The following GM2A variants were observed in gnomAD, a reference collection of about 807,000 sequenced individuals.
GM2A encodes GM2 ganglioside activator.
A neutral mutation model predicts 12.9 loss-of-function variants in GM2A; 7 were observed. The ratio of observed to expected loss-of-function variants is 0.54; its 90% CI spans 0.31 to 1.02. The LOEUF is 1.02. GM2A is among the 50% of genes least tolerant of loss of function. GM2A has a pLI of 0.05. For missense variants in GM2A, 246 were observed against 241.0 expected (o/e 1.02, Z -0.14); for synonymous variants, 101 against 96.0 (o/e 1.05, Z -0.30).
chr5:151,259,545 T>C (rs1753753105), intron 1 of GM2A, among the ~76,000 whole-genome samples: 2 of 152,212 alleles, frequency 1.3e-5, no homozygotes, highest in African/African-American at 4.8e-5. Flanking sequence ...ATTATGTCTT[T>C]TGAGTCTTTT....
At position 151,269,088 on chromosome 5, in the gene GM2A, AG is replaced by A; in HGVS notation, c.*1641del. The A allele has an allele frequency of 3.0e-6, 3 of 985,482 alleles. No individual in the cohort carries two copies. Among genetic ancestry groups the A allele is most frequent in the Non-Finnish European group, 3.6e-6 (3 of 829,948 alleles). The allele number at this position is 985,482 out of a possible 1,614,324, so 61.0% of individuals were successfully genotyped here. ...CCTCACCAGCAGCTGCTTTTGGAGCAGGGGTCCAAGGAAGAGAGGGTGGCCT... is the reference window on the plus strand; with the variant it reads ...CCTCACCAGCAGCTGCTTTTGGAGCAGGGTCCAAGGAAGAGAGGGTGGCCT... On this transcript the variant is annotated 3_prime_UTR_variant, in exon 4 of 4. Transcript: ENST00000357164.
In GM2A at chr5:151,267,961, T is replaced by C. The variant is rs1753927029; in HGVS notation, c.*510T>C. ...CTTCTGTGACTAATTTTTATTTCCT[T>C]TCTAGATTTGCCCAATTAATACTAG... On this transcript the variant is annotated 3_prime_UTR_variant, in exon 4 of 4. Transcript: ENST00000357164. 1 of 1,121,098 alleles carries C rather than the reference T, an allele frequency of 8.9e-7. No homozygotes were observed. The highest frequency in any genetic ancestry group is 1.1e-6 in the Non-Finnish European group (1 of 910,390). 69.4% of individuals were successfully genotyped at this position (1,121,098 alleles called of 1,614,324 possible). A position where few individuals can be genotyped will look rare whatever the true frequency, so the allele number is the denominator to read the frequency against.
At position 151,267,870 on chromosome 5, in the gene GM2A, TCTC is replaced by T; in HGVS notation, c.*424_*426del. 6 of 1,158,772 alleles carry T rather than the reference TCTC, an allele frequency of 5.2e-6. No homozygotes were observed. The highest frequency in any genetic ancestry group is 6.5e-6 in the Non-Finnish European group (6 of 927,874). 71.8% of individuals were successfully genotyped at this position (1,158,772 alleles called of 1,614,324 possible). A position where few individuals can be genotyped will look rare whatever the true frequency, so the allele number is the denominator to read the frequency against. Reference sequence around the variant, plus strand: ...GAAGTGAGAGTATTAACGTTTTTGTTCTCCTCCGGCCCCCTGTTACAATGAAGG... The same window carrying T: ...GAAGTGAGAGTATTAACGTTTTTGTTCTCCGGCCCCCTGTTACAATGAAGG... On this transcript the variant is annotated 3_prime_UTR_variant, in exon 4 of 4. Transcript: ENST00000357164.
chr5:151,265,061 G>T (rs946319005), intron 2 of GM2A, among the ~76,000 whole-genome samples: 25 of 152,070 alleles, frequency 1.6e-4, no homozygotes, highest in Non-Finnish European at 3.2e-4. Flanking sequence ...AAACTAGGAA[G>T]TGGCAGAACT....
intron 2 of GM2A, among the ~76,000 whole-genome samples, chr5:151,266,478 G>GT (rs1554092895): frequency 5.7e-5 from 8 of 140,974 alleles, no homozygotes; most frequent in Non-Finnish European, 9.4e-5. Flanking sequence ...CTAAGTCTAT[G>GT]TATAGTTCAG....
chr5:151,258,639 C>T (rs967612248), intron 1 of GM2A, among the ~76,000 whole-genome samples: 3 of 152,122 alleles, frequency 2.0e-5, no homozygotes, highest in Non-Finnish European at 2.9e-5. Context: ...ATGGTCTGGC[C>T]TCAACCCAAA....
At position 151,269,375 on chromosome 5, in the gene GM2A, G is replaced by T. The variant is rs1027350022; in HGVS notation, c.*1924G>T. ...GGTGAGCCGAGGTGATTCCAGGGACGGACCCTTCTGCAGGAGCTTGAGCTT... is the reference window on the plus strand; with the variant it reads ...GGTGAGCCGAGGTGATTCCAGGGACTGACCCTTCTGCAGGAGCTTGAGCTT... On this transcript the variant is annotated 3_prime_UTR_variant, in exon 4 of 4. Transcript: ENST00000357164. 3 of 985,210 alleles carry T rather than the reference G, an allele frequency of 3.0e-6. No individual in the cohort carries two copies. The East Asian group carries it at 3.4e-4, about 112-fold the overall frequency. The allele number at this position is 985,210 out of a possible 1,614,324, so 61.0% of individuals were successfully genotyped here. A position where few individuals can be genotyped will look rare whatever the true frequency, so the allele number is the denominator to read the frequency against.
chr5:151,268,532 T>C lies in GM2A; in HGVS notation c.*1081T>C. ...AAGTCACAGCACATGTGCCCATTGA[T>C]ACAAGGCTGCTGAGGCCTGGTCTCC... On this transcript the variant is annotated 3_prime_UTR_variant, in exon 4 of 4. Transcript: ENST00000357164. 1.0e-6 allele frequency: 1 copy of C among 985,434 alleles called. No homozygotes were observed. Among genetic ancestry groups the C allele is most frequent in the Non-Finnish European group, 1.2e-6 (1 of 829,926 alleles). The allele number at this position is 985,434 out of a possible 1,614,324, so 61.0% of individuals were successfully genotyped here.
At chr5:151,263,660 G>C (rs1232539441) in intron 2 of GM2A, among the ~76,000 whole-genome samples, 1 of 151,804 alleles carries the variant, frequency 6.6e-6, no homozygotes, top group African/African-American at 2.4e-5. Context: ...GGGGAGAGGA[G>C]TGCTGCAGAT....
At chr5:151,258,518 A>G (rs553485100) in intron 1 of GM2A, among the ~76,000 whole-genome samples, 2 of 152,220 alleles carry the variant, frequency 1.3e-5, no homozygotes, top group African/African-American at 4.8e-5. Context: ...GCTACTCCAT[A>G]CTGCTTTTAT....
At position 151,267,393 on chromosome 5, in the gene GM2A, G is replaced by A; in HGVS notation, c.524G>A (p.Ser175Asn). The change falls in exon 4 of 4, where the codon AGC (serine) becomes AAC (asparagine). Residue 175 changes from serine to asparagine, a missense_variant. Ser to Asn is a conservative substitution (Grantham distance 46). Transcript: ENST00000357164. Reference protein sequence around the residue: ...TGNYRIESVLSSSGKRLGCIK... With the variant: ...TGNYRIESVLNSSGKRLGCIK... ...AACTACCGCATAGAGAGCGTCCTGA[G>A]CAGCAGTGGGAAGCGTCTGGGCTGC... 1.2e-6 allele frequency: 2 copies of A among 1,614,184 alleles called. No homozygotes were observed. The highest frequency in any genetic ancestry group is 2.2e-5 in the East Asian group (1 of 44,888).
rs909177693 is a variant in GM2A, at chr5:151,253,296, A to G, written c.80A>G (p.Lys27Arg). The G allele has an allele frequency of 1.9e-6, 3 of 1,608,974 alleles. No individual in the cohort carries two copies. The highest frequency in any genetic ancestry group is 2.6e-6 in the Non-Finnish European group (3 of 1,175,566). The change falls in exon 1 of 4, where the codon AAG (lysine) becomes AGG (arginine). Residue 27 changes from lysine (K) to arginine (R), a missense_variant and splice_region_variant. Transcript: ENST00000357164. ...GCCCCTGCGCAAGCCCACCTGAAAA[A>G]GGTGAGTGCACCCTCTTTTAAGAGT... is the stretch of plus-strand genomic sequence containing the variant. The part of the protein sequence containing the change: ...LAAPAQAHLK[K>R]PSQLSSFSWD...
At chr5:151,257,558 C>G (rs1376585593) in intron 1 of GM2A, among the ~76,000 whole-genome samples, 1 of 152,178 alleles carries the variant, frequency 6.6e-6, no homozygotes, top group African/African-American at 2.4e-5. Context: ...CCCTTGACCA[C>G]TTTCAGTCTG....
Position 151,259,830 on chromosome 5 carries a change from C to G in GM2A, c.157C>G (p.Leu53Val), listed in dbSNP as rs1433825708. 6.2e-7 allele frequency: 1 copy of G among 1,613,154 alleles called. No individual in the cohort carries two copies. The highest frequency in any genetic ancestry group is 8.5e-7 in the Non-Finnish European group (1 of 1,179,090). ...CCCTGCGGTGATCAGAAGCCTGACT[C>G]TGGAGCCTGACCCCATCATCGTTCC... ...KDPAVIRSLT[L>V]EPDPIIVPGN... Residue 53 changes from leucine to valine, a missense_variant, in exon 2 of 4, where the codon CTG becomes GTG. Leu to Val is a conservative substitution (Grantham distance 32, BLOSUM62 1). Coordinates refer to ENST00000357164, the MANE Select transcript of GM2A (RefSeq NM_000405.5).
In GM2A at chr5:151,269,557, C is replaced by T. The variant is rs1753966822; in HGVS notation, c.*2106C>T. ...TGAGGAATTTAAAAGGGAGCAAAGA[C>T]CACCTGGTGACTATCAGGCCATGCA... On this transcript the variant is annotated 3_prime_UTR_variant, in exon 4 of 4. Coordinates refer to ENST00000357164, the MANE Select transcript of GM2A (RefSeq NM_000405.5). 6 of 576,794 alleles carry T rather than the reference C, an allele frequency of 1.0e-5. No homozygotes were observed. Among genetic ancestry groups the T allele is most frequent in the African/African-American group, 2.0e-5 (1 of 49,836 alleles). 35.7% of individuals were successfully genotyped at this position (576,794 alleles called of 1,614,324 possible).
chr5:151,267,905 A>C lies in GM2A; in HGVS notation c.*454A>C, dbSNP rs1052006460. On this transcript the variant is annotated 3_prime_UTR_variant, in exon 4 of 4. Transcript: ENST00000357164. Reference sequence around the variant, plus strand: ...CCCCCTGTTACAATGAAGGGGCAAAAGTATTTGCTCTTAGTCTATTCCTCC... The same window carrying C: ...CCCCCTGTTACAATGAAGGGGCAAACGTATTTGCTCTTAGTCTATTCCTCC... 30 of 1,149,290 alleles carry C rather than the reference A, an allele frequency of 2.6e-5. No homozygotes were observed. Among genetic ancestry groups the C allele is most frequent in the Admixed American group, 1.3e-4 (3 of 23,000 alleles). 71.2% of individuals were successfully genotyped at this position (1,149,290 alleles called of 1,614,324 possible). A position where few individuals can be genotyped will look rare whatever the true frequency, so the allele number is the denominator to read the frequency against.
At chr5:151,257,165 C>T (rs1753705572) in intron 1 of GM2A, among the ~76,000 whole-genome samples, 2 of 152,122 alleles carry the variant, frequency 1.3e-5, no homozygotes, top group African/African-American at 4.8e-5. Flanking sequence ...CACCCCTTCC[C>T]ACTAGTTGGC....
In GM2A at chr5:151,266,741, T is replaced by G. The variant is rs143999954; in HGVS notation, c.254T>G (p.Val85Gly). The G allele has an allele frequency of 2.9e-4, 469 of 1,613,528 alleles. 1 individual carries two copies. The highest frequency in any genetic ancestry group is 3.3e-4 in the Non-Finnish European group (390 of 1,179,608). ...PLSSPLKVDL[V>G]LEKEVAGLWI... ...ATTTTTTTTTACCAGGTGGATTTAGTTTTGGAGAAGGAGGTGGCTGGCCTC... is the reference window on the plus strand; with the variant it reads ...ATTTTTTTTTACCAGGTGGATTTAGGTTTGGAGAAGGAGGTGGCTGGCCTC... The change falls in exon 3 of 4, where the codon GTT becomes GGT. Residue 85 changes from valine to glycine, a missense_variant. By Grantham distance (109) the Val-to-Gly change is moderately radical (BLOSUM62 -3). Transcript: ENST00000357164.
chr5:151,257,220 G>T (rs972607637), intron 1 of GM2A, among the ~76,000 whole-genome samples: 1 of 152,076 alleles, frequency 6.6e-6, no homozygotes, highest in African/African-American at 2.4e-5. Flanking sequence ...TGGCCTTGGT[G>T]GGCACTGCTA....
Sources: allele counts gnomAD v4.1 joint callset (sites outside exome capture counted in the v4.1 genomes callset), GRCh38; gene constraint gnomAD v4.1.1; transcripts MANE v1.5; gene names NCBI Gene and HGNC (gene_info 2026-07-23, HGNC 2026-07-21).